Variants in WDFY4 observed in about 807,000 individuals in gnomAD.
WDFY4 encodes WDFY family member 4.
WDFY4 carries 169 observed loss-of-function variants against 351.9 expected under a neutral mutation model. The ratio of observed to expected loss-of-function variants is 0.48; its 90% CI spans 0.42 to 0.55. WDFY4 has a LOEUF of 0.55. Among genes scored for constraint, WDFY4 ranks in the 20% least tolerant of loss-of-function variants. The pLI, the probability that WDFY4 is intolerant of heterozygous loss-of-function variation, is 0.00. For missense variants in WDFY4, 3,803 were observed against 3,935.6 expected (o/e 0.97, Z 0.90); for synonymous variants, 1,622 against 1,574.6 (o/e 1.03, Z -0.71).
chr10:48,745,737 A>C (rs2064989710), intron 12 of WDFY4: 2 of 549,106 alleles, frequency 3.6e-6, no homozygotes, highest in Admixed American at 2.4e-5. Flanking sequence ...CCACGTAGGC[A>C]AACTCTCTTG....
At chr10:48,772,517 CTTTTTTTTTTTTTTTTTTGCATTTTCT>C (rs2065898200) in intron 13 of WDFY4, among the ~76,000 whole-genome samples, 2 of 70,652 alleles carry the variant, frequency 2.8e-5, no homozygotes, top group African/African-American at 5.5e-5. Flanking sequence ...GAGGGCAGTT[CTTTTTTTTTTTTTTTTTTGCATTTTCT>C]TTTTTTTTTT....
At position 48,734,291 on chromosome 10, in the gene WDFY4, T is replaced by A. The variant is rs577634850; in HGVS notation, c.1687+256T>A. On this transcript the variant is annotated intron_variant, in intron 10 of 61. Coordinates refer to ENST00000325239, the MANE Select transcript of WDFY4 (RefSeq NM_001394531.1). Reference sequence around the variant, plus strand: ...AAAAGACTATGCTCAATCTAGCATTTTCTAAATTTATGAGAAAAATTTATT... The same window carrying A: ...AAAAGACTATGCTCAATCTAGCATTATCTAAATTTATGAGAAAAATTTATT... 1.5e-4 allele frequency among the ~76,000 whole-genome samples: 23 copies of A among 152,342 alleles called. No homozygotes were observed. The South Asian group carries it at 4.8e-3, about 32-fold the overall frequency.
intron 47 of WDFY4, among the ~76,000 whole-genome samples, chr10:48,903,790 T>G (rs1227058026): frequency 2.6e-5 from 4 of 151,808 alleles, no homozygotes; most frequent in Non-Finnish European, 5.9e-5. Flanking sequence ...AAGAGAGAGG[T>G]TCAAGTGAGA....
chr10:48,849,250 C>T (rs1023282531), intron 39 of WDFY4, among the ~76,000 whole-genome samples: 1 of 152,176 alleles, frequency 6.6e-6, no homozygotes, highest in African/African-American at 2.4e-5. Context: ...GTTCTAAAGT[C>T]TATTTATAAA....
chr10:48,819,182 G>A (rs994162546), intron 32 of WDFY4, among the ~76,000 whole-genome samples: 2 of 152,198 alleles, frequency 1.3e-5, no homozygotes, highest in African/African-American at 4.8e-5. Context: ...TCGCGGGCGA[G>A]GTCGGGCTTT....
chr10:48,975,420 C>T (rs761555685), intron 58 of WDFY4, among the ~76,000 whole-genome samples: 3 of 152,200 alleles, frequency 2.0e-5, no homozygotes, highest in Non-Finnish European at 1.5e-5. Flanking sequence ...GCTTCTCTGC[C>T]TCTCCTTCCA....
At chr10:48,700,118 G>C (rs184238300) in intron 1 of WDFY4, among the ~76,000 whole-genome samples, 2 of 152,168 alleles carry the variant, frequency 1.3e-5, no homozygotes, top group Non-Finnish European at 2.9e-5. Flanking sequence ...TAGGCTGAAG[G>C]TTCACCTCCC....
At chr10:48,852,597 G>A (rs950328804) in intron 39 of WDFY4, among the ~76,000 whole-genome samples, 1 of 152,114 alleles carries the variant, frequency 6.6e-6, no homozygotes, top group African/African-American at 2.4e-5. Flanking sequence ...CAGCTCTCAG[G>A]AGAAGCAGTC....
At chr10:48,895,312 T>C (rs1019140840) in intron 44 of WDFY4, among the ~76,000 whole-genome samples, 3 of 152,166 alleles carry the variant, frequency 2.0e-5, no homozygotes, top group African/African-American at 7.2e-5. Flanking sequence ...ATGGGCTACA[T>C]TGTAGGCTGG....
intron 13 of WDFY4, among the ~76,000 whole-genome samples, chr10:48,767,399 A>C (rs1346850194): frequency 1.3e-5 from 2 of 152,194 alleles, no homozygotes; most frequent in East Asian, 1.9e-4. Flanking sequence ...TTCTGAAACT[A>C]TTAAGTAGAA....
At chr10:48,705,949 G>A (rs560637207) in intron 1 of WDFY4, among the ~76,000 whole-genome samples, 3 of 152,300 alleles carry the variant, frequency 2.0e-5, no homozygotes, top group South Asian at 4.1e-4. Context: ...CTGCAGGTGT[G>A]GCCACAGAAT....
intron 43 of WDFY4, among the ~76,000 whole-genome samples, chr10:48,883,693 C>T (rs2133337131): frequency 6.6e-6 from 1 of 152,296 alleles, no homozygotes; most frequent in South Asian, 2.1e-4. Context: ...CTTTCCAGGG[C>T]ATGACTGCTT....
At position 48,896,038 on chromosome 10, in the gene WDFY4, T is replaced by C. The variant is rs371306073; in HGVS notation, c.7317-1416T>C. On this transcript the variant is annotated intron_variant, in intron 44 of 61. Transcript: ENST00000325239. ...AGATGCACTCCCTACATTTTCTCTG[T>C]CCAGCCTGGGTCTTGCAAACTGAAT... Among the ~76,000 whole-genome samples, 14 of 152,346 alleles carry C rather than the reference T, an allele frequency of 9.2e-5. No homozygotes were observed. In the South Asian group the frequency reaches 2.9e-3, roughly 32 times the overall value.
Position 48,786,818 on chromosome 10 carries a change from T to G in WDFY4, c.3756T>G (p.Ile1252Met). 4 of 1,552,296 alleles carry G rather than the reference T, an allele frequency of 2.6e-6. No individual in the cohort carries two copies. Among genetic ancestry groups the G allele is most frequent in the African/African-American group, 1.4e-5 (1 of 73,188 alleles). The part of the protein sequence containing the change: ...EAISMETLEV[I>M]NKLGPRYCGN... ...TTTCAATGGAAACTCTGGAAGTTAT[T>G]AACAAACTTGGCCCAAGATATTGTG... The change falls in exon 20 of 62, where the codon ATT becomes ATG. Residue 1252 changes from isoleucine to methionine, a missense_variant. By Grantham distance (10) the Ile-to-Met change is conservative. Coordinates refer to ENST00000325239, the MANE Select transcript of WDFY4 (RefSeq NM_001394531.1).
intron 39 of WDFY4, among the ~76,000 whole-genome samples, chr10:48,848,782 G>A (rs545693141): frequency 2.0e-5 from 3 of 152,316 alleles, no homozygotes; most frequent in South Asian, 4.1e-4. Context: ...GTGGCACCCC[G>A]AGGAGGCGAG....
At chr10:48,722,258 C>T (rs1307357407) in intron 4 of WDFY4, among the ~76,000 whole-genome samples, 2 of 152,212 alleles carry the variant, frequency 1.3e-5, no homozygotes, top group Non-Finnish European at 2.9e-5. Flanking sequence ...CTGTCAGGCA[C>T]AGCGACCTGA....
In WDFY4 at chr10:48,726,081, G is replaced by C. The variant is rs765530425; in HGVS notation, c.781+11G>C. The C allele has an allele frequency of 1.4e-5, 22 of 1,532,394 alleles. No homozygotes were observed. The highest frequency in any genetic ancestry group is 9.9e-5 in the Admixed American group (5 of 50,714). 94.9% of individuals were successfully genotyped at this position (1,532,394 alleles called of 1,614,324 possible). A position where few individuals can be genotyped will look rare whatever the true frequency, so the allele number is the denominator to read the frequency against. On this transcript the variant is annotated intron_variant, in intron 6 of 61. Coordinates refer to ENST00000325239, the MANE Select transcript of WDFY4 (RefSeq NM_001394531.1). ...TCCAGTACCTGCAGGGTATGGCCCG[G>C]GAAATTAGATGTGGGCTGTGGGCCA...
chr10:48,923,773 C>T (rs954663319), intron 47 of WDFY4, among the ~76,000 whole-genome samples: 3 of 152,030 alleles, frequency 2.0e-5, no homozygotes, highest in African/African-American at 7.2e-5. Flanking sequence ...CACCAGATTC[C>T]CCTGAACACC....
chr10:48,819,615 A>C (rs1162109181), intron 32 of WDFY4, among the ~76,000 whole-genome samples: 3 of 151,940 alleles, frequency 2.0e-5, no homozygotes, highest in Admixed American at 6.6e-5. Flanking sequence ...TGGGGTAATG[A>C]CCCCTGTCTC....
Sources: gnomAD v4.1 joint callset for allele counts (sites outside exome capture counted in the v4.1 genomes callset) on GRCh38, gnomAD v4.1.1 for gene constraint, MANE v1.5 for transcripts, NCBI Gene and HGNC (gene_info 2026-07-23, HGNC 2026-07-21) for gene names.